The following SKP2 variants were observed in gnomAD, a reference collection of about 807,000 sequenced individuals.
SKP2 encodes S-phase kinase-associated protein 2.
In SKP2, 16 loss-of-function variants were observed where a neutral mutation model predicts 51.8. That is an observed-to-expected ratio of 0.31 (90% CI 0.21 to 0.47). The LOEUF (loss-of-function observed/expected upper bound fraction) is 0.47, where lower values mean the gene tolerates loss of function less well. Among genes scored for constraint, SKP2 ranks in the 20% least tolerant of loss-of-function variants. SKP2 has a pLI of 1.00. For missense variants in SKP2, 377 were observed against 505.3 expected, an observed-to-expected ratio of 0.75 and a Z score of 2.43; for synonymous variants, 176 against 198.6, an observed-to-expected ratio of 0.89 and a Z score of 0.96.
intron 7 of SKP2, among the ~76,000 whole-genome samples, chr5:36,176,107 G>T: frequency 6.6e-6 from 1 of 151,854 alleles, no homozygotes; most frequent in Non-Finnish European, 1.5e-5. Context: ...CTTTATAATA[G>T]AATTTTTTTT....
downstream of SKP2, among the ~76,000 whole-genome samples, chr5:36,185,818 C>T (rs1286858900): frequency 6.6e-6 from 1 of 152,142 alleles, no homozygotes; most frequent in African/African-American, 2.4e-5. Flanking sequence ...ATGGGGATGG[C>T]ATTAAATCTA....
chr5:36,184,492 A>G (rs1319261747), downstream of SKP2, among the ~76,000 whole-genome samples: 1 of 152,030 alleles, frequency 6.6e-6, no homozygotes, highest in Non-Finnish European at 1.5e-5. Flanking sequence ...ATTCCCACCT[A>G]TGAGTGAGAA....
At chr5:36,184,370 T>C (rs1745913565), downstream of SKP2, 1 of 153,622 alleles carries the variant, frequency 6.5e-6, no homozygotes, top group African/African-American at 2.4e-5. Context: ...CATTAACTTG[T>C]CATTTACATT....
intron 9 of SKP2, 34 bp downstream of exon 9, chr5:36,177,326 G>A (rs752971446): frequency 1.2e-5 from 16 of 1,295,190 alleles, no homozygotes; most frequent in Non-Finnish European, 1.8e-5. Context: ...CTTAATAGAA[G>A]GCAGGAAACA....
intron 6 of SKP2, among the ~76,000 whole-genome samples, chr5:36,190,084 G>A (rs1412619617): frequency 6.6e-6 from 1 of 152,174 alleles, no homozygotes; most frequent in Non-Finnish European, 1.5e-5. Context: ...CAGTATTAGG[G>A]TGGGAGTGAC....
At chr5:36,190,799 A>G (rs1746006829) in intron 6 of SKP2, among the ~76,000 whole-genome samples, 1 of 152,010 alleles carries the variant, frequency 6.6e-6, no homozygotes, top group Non-Finnish European at 1.5e-5. Flanking sequence ...CCTCCAATAC[A>G]GATAATTTTG....
chr5:36,183,877 TC>T lies in SKP2; in HGVS notation c.*1847del. 1 of 1,608,954 alleles carries T rather than the reference TC, an allele frequency of 6.2e-7. No homozygotes were observed. Among genetic ancestry groups the T allele is most frequent in the Non-Finnish European group, 8.5e-7 (1 of 1,178,776 alleles). On this transcript the variant is annotated 3_prime_UTR_variant, in exon 10 of 10. Coordinates refer to ENST00000274255, the MANE Select transcript of SKP2 (RefSeq NM_005983.4). ...AGCTGGGGTTAGGATCCGGTTGGACTCTGACATCGGATGCCCTCAAACATAC... is the reference window on the plus strand; with the variant it reads ...AGCTGGGGTTAGGATCCGGTTGGACTTGACATCGGATGCCCTCAAACATAC...
rs1198005041 is a variant in SKP2 at position 36,153,075 on chromosome 5, C to T, written c.280+33C>T. ...CATGAGGGTAAAAATGTCAGTTATG[C>T]AAAGGGTGGATTTAGCTATGTTGTT... On this transcript the variant is annotated intron_variant, in intron 2 of 9. Transcript: ENST00000274255. 1.9e-6 allele frequency: 3 copies of T among 1,597,964 alleles called. No individual in the cohort carries two copies. In the African/African-American group the frequency reaches 4.0e-5, roughly 21 times the overall value.
chr5:36,168,524 G>A, intron 5 of SKP2, 77 bp downstream of exon 5: 2 of 1,347,266 alleles, frequency 1.5e-6, no homozygotes, highest in East Asian at 4.6e-5. Flanking sequence ...TAACTGGGGT[G>A]CCCTTCTAGC....
Position 36,182,974 on chromosome 5 carries a change from G to A in SKP2, c.*943G>A. 1 of 953,956 alleles carries A rather than the reference G, an allele frequency of 1.0e-6. No individual in the cohort carries two copies. Among genetic ancestry groups the A allele is most frequent in the South Asian group, 5.0e-5 (1 of 19,934 alleles). The allele number at this position is 953,956 out of a possible 1,614,324, so 59.1% of individuals were successfully genotyped here. ...TTAAGGTTACTTTTATATTACTCTG[G>A]AATCAAGTATTTTAAATTGTATTTT... On this transcript the variant is annotated 3_prime_UTR_variant, in exon 10 of 10. Coordinates refer to ENST00000274255, the MANE Select transcript of SKP2 (RefSeq NM_005983.4).
In SKP2 at chr5:36,183,605, T is replaced by C; in HGVS notation, c.*1574T>C. Reference sequence around the variant, plus strand: ...TAAAAATCACAAAAACTAGTTTAAATTGATGACTTGTTCGTATGTTCAAAA... The same window carrying C: ...TAAAAATCACAAAAACTAGTTTAAACTGATGACTTGTTCGTATGTTCAAAA... On this transcript the variant is annotated 3_prime_UTR_variant, in exon 10 of 10. Transcript: ENST00000274255. 3 of 1,145,354 alleles carry C rather than the reference T, an allele frequency of 2.6e-6. No homozygotes were observed. The highest frequency in any genetic ancestry group is 8.0e-5 in the South Asian group (2 of 25,046). 70.9% of individuals were successfully genotyped at this position (1,145,354 alleles called of 1,614,324 possible). A position where few individuals can be genotyped will look rare whatever the true frequency, so the allele number is the denominator to read the frequency against.
chr5:36,187,705 T>C (rs565436955), downstream of SKP2, among the ~76,000 whole-genome samples: 478 of 152,348 alleles, frequency 3.1e-3, 3 homozygotes, highest in African/African-American at 0.011. Flanking sequence ...GAAGAATGTA[T>C]ATTCTGTTGA....
At chr5:36,164,066 A>T (rs925467746) in intron 3 of SKP2, among the ~76,000 whole-genome samples, 1 of 152,118 alleles carries the variant, frequency 6.6e-6, no homozygotes, top group African/African-American at 2.4e-5. Flanking sequence ...GTGCATGCAG[A>T]CAGCGGTTCC....
At chr5:36,190,882 G>A (rs1321517443) in intron 6 of SKP2, among the ~76,000 whole-genome samples, 1 of 152,082 alleles carries the variant, frequency 6.6e-6, no homozygotes, top group Non-Finnish European at 1.5e-5. Context: ...TTTCCTGCGT[G>A]AATCCTGAAG....
At chr5:36,167,427 C>T (rs2111978055) in intron 4 of SKP2, among the ~76,000 whole-genome samples, 1 of 152,248 alleles carries the variant, frequency 6.6e-6, no homozygotes, top group Non-Finnish European at 1.5e-5. Context: ...CCACCTTTTT[C>T]AAATCCAAAT....
chr5:36,172,391 A>G (rs1202105480), intron 7 of SKP2, among the ~76,000 whole-genome samples: 1 of 152,242 alleles, frequency 6.6e-6, no homozygotes, highest in Non-Finnish European at 1.5e-5. Context: ...CAGTCTTTAA[A>G]AACCTTAATA....
intron 2 of SKP2, among the ~76,000 whole-genome samples, chr5:36,162,044 T>C (rs548497476): frequency 6.6e-6 from 1 of 152,356 alleles, no homozygotes; most frequent in Admixed American, 6.5e-5. Context: ...TAGAGATTGC[T>C]TCTATGAAAG....
At chr5:36,184,625 G>A (rs1281883364), downstream of SKP2, among the ~76,000 whole-genome samples, 2 of 152,158 alleles carry the variant, frequency 1.3e-5, no homozygotes, top group Non-Finnish European at 2.9e-5. Context: ...GTGTTCCATG[G>A]TGTATATGTG....
intron 9 of SKP2, 114 bp from the exon 10 acceptor site, chr5:36,181,704 A>G: frequency 9.8e-7 from 1 of 1,022,504 alleles, no homozygotes; most frequent in East Asian, 2.4e-5. Context: ...TGTAAATTAC[A>G]CTTTCAGACT....
Sources: gnomAD v4.1 joint callset for allele counts (sites outside exome capture counted in the v4.1 genomes callset) on GRCh38, gnomAD v4.1.1 for gene constraint, MANE v1.5 for transcripts, NCBI Gene and HGNC (gene_info 2026-07-23, HGNC 2026-07-21) for gene names.